The following SAMMSON variants were observed in gnomAD, a reference collection of about 807,000 sequenced individuals.
The protein encoded by SAMMSON is survival associated mitochondrial melanoma specific oncogenic non-coding RNA, also known as long intergenic non-protein coding RNA 1212.
intron 4 of SAMMSON, among the ~76,000 whole-genome samples, chr3:70,219,834 G>T (rs1307205461): frequency 1.3e-5 from 2 of 152,034 alleles, no homozygotes; most frequent in Non-Finnish European, 2.9e-5. Context: ...CAAACTCAAA[G>T]GTCAGAACAT....
chr3:70,032,894 A>G (rs1559777255), intron 3 of SAMMSON, among the ~76,000 whole-genome samples: 2 of 152,264 alleles, frequency 1.3e-5, no homozygotes, highest in East Asian at 3.9e-4. Flanking sequence ...CTTCGCAATG[A>G]TGTAGCAGAT....
chr3:70,116,287 GCTTT>G (rs1021093349), intron 4 of SAMMSON, among the ~76,000 whole-genome samples: 5 of 87,252 alleles, frequency 5.7e-5, no homozygotes, highest in South Asian at 1.1e-3. Context: ...GAAGGGCGAT[GCTTT>G]CTTTTTTTTT....
chr3:70,280,546 T>A (rs571675616), intron 6 of SAMMSON, among the ~76,000 whole-genome samples: 2 of 152,122 alleles, frequency 1.3e-5, no homozygotes, highest in African/African-American at 4.8e-5. Flanking sequence ...TTTGCCTGTA[T>A]TGAATGTTGG....
chr3:70,055,569 G>A (rs73836031), intron 3 of SAMMSON, among the ~76,000 whole-genome samples: 2,833 of 151,960 alleles, frequency 0.019, 88 homozygotes, highest in African/African-American at 0.063. Context: ...TCATCCTTCC[G>A]GAAGAATTTA....
At chr3:70,093,499 G>C (rs1372602908) in intron 4 of SAMMSON, among the ~76,000 whole-genome samples, 1 of 152,162 alleles carries the variant, frequency 6.6e-6, no homozygotes, top group Non-Finnish European at 1.5e-5. Context: ...GACTTGCTCT[G>C]TGTTAGACCT....
chr3:70,395,706 C>T (rs1193993646), intron 2 of SAMMSON, among the ~76,000 whole-genome samples: 2 of 151,952 alleles, frequency 1.3e-5, no homozygotes, highest in Non-Finnish European at 2.9e-5. Flanking sequence ...CAGGGACAGT[C>T]ACGTAATATA....
chr3:70,104,195 A>T (rs1007853753), intron 4 of SAMMSON, among the ~76,000 whole-genome samples: 1 of 152,054 alleles, frequency 6.6e-6, no homozygotes, highest in Admixed American at 6.6e-5. Flanking sequence ...TAAAGTCTTC[A>T]CAGGACTTTT....
At chr3:70,414,935 T>A (rs1701250950) in intron 2 of SAMMSON, among the ~76,000 whole-genome samples, 1 of 152,100 alleles carries the variant, frequency 6.6e-6, no homozygotes, top group African/African-American at 2.4e-5. Flanking sequence ...ATGGTCCAAA[T>A]GGCTGAAACT....
At chr3:70,314,808 G>C (rs560879768) in intron 7 of SAMMSON, among the ~76,000 whole-genome samples, 10 of 152,158 alleles carry the variant, frequency 6.6e-5, no homozygotes, top group African/African-American at 1.9e-4. Context: ...GCTTTCTAAG[G>C]CAGAGAATCC....
intron 6 of SAMMSON, among the ~76,000 whole-genome samples, chr3:70,286,938 C>G (rs1342851249): frequency 6.6e-6 from 1 of 151,478 alleles, no homozygotes; most frequent in East Asian, 1.9e-4. Context: ...AGTTGCTTAT[C>G]AGCTTAAGGA....
In SAMMSON at chr3:70,158,408, A is replaced by G. The variant is rs143805693; in HGVS notation, n.507+86843A>G. Among the ~76,000 whole-genome samples the G allele has an allele frequency of 3.4e-3, 514 of 152,204 alleles. 1 individual carries two copies. Among genetic ancestry groups the G allele is most frequent in the African/African-American group, 0.012 (479 of 41,548 alleles). Reference sequence around the variant, plus strand: ...AGTTCATTCCTTTTTATTGTTGAATAGTATTCTGTTGTATGGTTATACCAC... The same window carrying G: ...AGTTCATTCCTTTTTATTGTTGAATGGTATTCTGTTGTATGGTTATACCAC... On this transcript the variant is annotated intron_variant and non_coding_transcript_variant, in intron 4 of 9. Transcript: ENST00000642114.
chr3:70,198,298 T>C (rs1279944635), intron 4 of SAMMSON, among the ~76,000 whole-genome samples: 1 of 152,172 alleles, frequency 6.6e-6, no homozygotes, highest in East Asian at 1.9e-4. Context: ...AGAATGCTAA[T>C]AACTTTGGTT....
rs1193657961 is a variant in SAMMSON at position 70,365,970 on chromosome 3, C to CTT, written n.913+7676_913+7677dup. Among the ~76,000 whole-genome samples, 128 of 27,778 alleles carry CTT rather than the reference C, an allele frequency of 4.6e-3. 33 individuals carry two copies. The highest frequency in any genetic ancestry group is 0.02 in the South Asian group (17 of 834). The allele number at this position is 27,778 out of a possible 152,430, so 18.2% of individuals were successfully genotyped here. Reference sequence around the variant, plus strand: ...AAAAATTGTTTGTGCTTTACCTTTTCTTTTTTTTTTTTTTTTTTTTTTTTT... The same window carrying CTT: ...AAAAATTGTTTGTGCTTTACCTTTTCTTTTTTTTTTTTTTTTTTTTTTTTTTT... On this transcript the variant is annotated intron_variant and non_coding_transcript_variant, in intron 9 of 9. Transcript: ENST00000642114.
chr3:70,245,879 A>G (rs904517291), intron 4 of SAMMSON, among the ~76,000 whole-genome samples: 3 of 151,238 alleles, frequency 2.0e-5, no homozygotes, highest in African/African-American at 4.9e-5. Context: ...GAGGGCTGCC[A>G]TTGCCAATTT....
At chr3:70,201,165 C>T (rs1701234339) in intron 4 of SAMMSON, among the ~76,000 whole-genome samples, 1 of 151,930 alleles carries the variant, frequency 6.6e-6, no homozygotes, top group African/African-American at 2.4e-5. Context: ...AAGTCTAGTA[C>T]TCATTATTTT....
chr3:70,268,886 C>G (rs1212864157), intron 6 of SAMMSON, among the ~76,000 whole-genome samples: 1 of 151,950 alleles, frequency 6.6e-6, no homozygotes, highest in Non-Finnish European at 1.5e-5. Flanking sequence ...ATTATTTTTT[C>G]TGGAGCACAT....
downstream of SAMMSON, among the ~76,000 whole-genome samples, chr3:70,393,258 C>T (rs925698906): frequency 6.6e-6 from 1 of 152,186 alleles, no homozygotes; most frequent in Non-Finnish European, 1.5e-5. Context: ...CAAAACTCAA[C>T]TTGCAATGTT....
At chr3:70,005,347 C>T (rs1013318089) in intron 1 of SAMMSON, among the ~76,000 whole-genome samples, 1 of 138,302 alleles carries the variant, frequency 7.2e-6, no homozygotes, top group African/African-American at 2.6e-5. Flanking sequence ...CTGGGCAGTT[C>T]TTCTGTTCCA....
At chr3:70,034,159 T>C (rs73836007) in intron 3 of SAMMSON, among the ~76,000 whole-genome samples, 7,063 of 152,184 alleles carry the variant, frequency 0.046, 375 homozygotes, top group African/African-American at 0.13. Flanking sequence ...AGCTGGGCCG[T>C]CTGTTTGAGC....
Sources: allele counts gnomAD v4.1 joint callset (sites outside exome capture counted in the v4.1 genomes callset), GRCh38; gene constraint gnomAD v4.1.1; transcripts MANE v1.5; gene names NCBI Gene and HGNC (gene_info 2026-07-23, HGNC 2026-07-21).